The following PPP6R1 variants were observed in gnomAD, a reference collection of about 807,000 sequenced individuals.
The protein encoded by PPP6R1 is protein phosphatase 6 regulatory subunit 1, also known as serine/threonine-protein phosphatase 6 regulatory subunit 1.
PPP6R1 carries 39 observed loss-of-function variants against 104.6 expected under a neutral mutation model. The ratio of observed to expected loss-of-function variants is 0.37; its 90% CI spans 0.29 to 0.49. The LOEUF is 0.49. Among genes scored for constraint, PPP6R1 ranks in the 20% least tolerant of loss-of-function variants. PPP6R1 has a pLI of 0.98. For synonymous variants in PPP6R1, 549 were observed against 479.0 expected (o/e 1.15, Z -1.91); for missense variants, 1,181 against 1,155.8 (o/e 1.02, Z -0.32).
At chr19:55,228,737 T>A (rs2087310122), downstream of PPP6R1, 1 of 1,613,250 alleles carries the variant, frequency 6.2e-7, no homozygotes, top group Non-Finnish European at 8.5e-7. Context: ...TTTGCCAGCG[T>A]CCATGCTGGC....
At chr19:55,257,803 T>C (rs574106893) in intron 1 of PPP6R1, among the ~76,000 whole-genome samples, 1 of 152,240 alleles carries the variant, frequency 6.6e-6, no homozygotes, top group Non-Finnish European at 1.5e-5. Context: ...CTAGGGCTGA[T>C]GCCCCCTCCT....
intron 17 of PPP6R1, among the ~76,000 whole-genome samples, chr19:55,234,423 G>A (rs1395196408): frequency 1.3e-5 from 2 of 152,230 alleles, no homozygotes; most frequent in Admixed American, 6.5e-5. Context: ...AGAAAGGACA[G>A]TGTCTTCAAC....
rs1165750024 is a variant in PPP6R1 at position 55,241,206 on chromosome 19, C to T, written c.1161+33G>A. On this transcript the variant is annotated intron_variant, in intron 9 of 23. Coordinates refer to ENST00000412770, the MANE Select transcript of PPP6R1 (RefSeq NM_014931.4). This position sits in a 1 kb window ranked among gnomAD's most constrained non-coding sequence, Gnocchi z 5.4. Reference sequence around the variant, plus strand: ...AGCCCAGTCCAGTCCCCGCCCCAGCCCCTGAACCCCCAGCCCGGTCCAGTC... The same window carrying T: ...AGCCCAGTCCAGTCCCCGCCCCAGCTCCTGAACCCCCAGCCCGGTCCAGTC... 6.6e-7 allele frequency: 1 copy of T among 1,511,102 alleles called. No homozygotes were observed. Among genetic ancestry groups the T allele is most frequent in the Non-Finnish European group, 8.8e-7 (1 of 1,129,950 alleles). 93.6% of individuals were successfully genotyped at this position (1,511,102 alleles called of 1,614,324 possible).
At chr19:55,254,432 T>A (rs2087577443) in intron 1 of PPP6R1, among the ~76,000 whole-genome samples, 1 of 152,100 alleles carries the variant, frequency 6.6e-6, no homozygotes, top group Admixed American at 6.5e-5. Context: ...CAGCCACCCC[T>A]CAAGGGCCTG....
In PPP6R1 at chr19:55,239,924, G is replaced by C. The variant is rs773551655; in HGVS notation, c.1478-13C>G. ...TCGCTGGGCAGCTCTGCTTAGGTGAGAGGGGTGAAGACGTGAGGCATCTCG... is the reference window on the plus strand; with the variant it reads ...TCGCTGGGCAGCTCTGCTTAGGTGACAGGGGTGAAGACGTGAGGCATCTCG... On this transcript the variant is annotated splice_polypyrimidine_tract_variant and intron_variant, in intron 12 of 23. Coordinates refer to ENST00000412770, the MANE Select transcript of PPP6R1 (RefSeq NM_014931.4). 3.7e-6 allele frequency: 6 copies of C among 1,613,752 alleles called. No homozygotes were observed. The highest frequency in any genetic ancestry group is 5.1e-6 in the Non-Finnish European group (6 of 1,179,832).
intron 16 of PPP6R1, 41 bp downstream of exon 16, chr19:55,236,872 C>T (rs376893918): frequency 3.7e-6 from 6 of 1,611,486 alleles, no homozygotes; most frequent in Non-Finnish European, 5.1e-6. Flanking sequence ...CAGCCCCACA[C>T]CCCTCCACCC....
Position 55,242,189 on chromosome 19 carries a change from G to A in PPP6R1, c.822C>T (p.Thr274=), listed in dbSNP as rs1048553251. The A allele has an allele frequency of 6.2e-7, 1 of 1,613,628 alleles. No homozygotes were observed. Among genetic ancestry groups the A allele is most frequent in the Non-Finnish European group, 8.5e-7 (1 of 1,179,848 alleles). The part of the protein sequence containing the change: ...VIVSGIQVLL[T]LLEPRRPRSE... ...ACCTCGGCCTCCTGGGCTCCAGCAG[G>A]GTCAGCAGCACCTGGATCCCACTGA... is the stretch of plus-strand genomic sequence containing the variant. Residue 274 remains threonine, a synonymous_variant, in exon 7 of 24, where the codon ACC becomes ACT. Transcript: ENST00000412770.
At chr19:55,256,589 T>G (rs987912441) in intron 1 of PPP6R1, among the ~76,000 whole-genome samples, 1 of 152,246 alleles carries the variant, frequency 6.6e-6, no homozygotes, top group Non-Finnish European at 1.5e-5. Context: ...GTAGGAGGAC[T>G]GCTTGAACCC....
chr19:55,258,529 C>G lies in PPP6R1; in HGVS notation c.-101G>C, dbSNP rs1290074472. On this transcript the variant is annotated 5_prime_UTR_variant, in exon 1 of 24. Coordinates refer to ENST00000412770, the MANE Select transcript of PPP6R1 (RefSeq NM_014931.4). ...CGGCTCCGGCCCCTGCTGCGGGGCCCGGTGAGTGGGGGCGGGGGCGGCGTC... is the reference window on the plus strand; with the variant it reads ...CGGCTCCGGCCCCTGCTGCGGGGCCGGGTGAGTGGGGGCGGGGGCGGCGTC... 14 of 149,788 alleles carry G rather than the reference C, an allele frequency of 9.3e-5. No individual in the cohort carries two copies. The highest frequency in any genetic ancestry group is 2.0e-4 in the Admixed American group (3 of 15,078). The allele number at this position is 149,788 out of a possible 1,614,324, so 9.3% of individuals were successfully genotyped here.
intron 1 of PPP6R1, 33 bp from the exon 2 acceptor site, chr19:55,247,142 G>C: frequency 6.3e-7 from 1 of 1,598,044 alleles, no homozygotes. Flanking sequence ...CGCCGCGTCA[G>C]ACGCCCCAGG....
intron 1 of PPP6R1, among the ~76,000 whole-genome samples, chr19:55,256,449 C>T (rs1277049946): frequency 6.6e-6 from 1 of 152,270 alleles, no homozygotes; most frequent in African/African-American, 2.4e-5. Context: ...TATCGCCAAT[C>T]GTCCCCCAGG....
chr19:55,239,192 G>A (rs574412190), intron 15 of PPP6R1: 2 of 585,004 alleles, frequency 3.4e-6, no homozygotes, highest in South Asian at 2.0e-5. Context: ...TCGGAGAGAA[G>A]AGACTGCAGA....
Position 55,240,043 on chromosome 19 carries a change from G to C in PPP6R1, c.1433C>G (p.Thr478Arg). 1 of 1,603,288 alleles carries C rather than the reference G, an allele frequency of 6.2e-7. No individual in the cohort carries two copies. The highest frequency in any genetic ancestry group is 8.5e-7 in the Non-Finnish European group (1 of 1,176,418). The change falls in exon 12 of 24, where the codon ACG (threonine) becomes AGG (arginine). Residue 478 changes from threonine (T) to arginine (R), a missense_variant. Physicochemically the swap from Thr to Arg is moderately conservative, Grantham distance 71. Around this residue, in one of 2 missense-constraint regions of PPP6R1, gnomAD observed 1,042 missense variants for 955.6 expected, o/e 1.09. Transcript: ENST00000412770. ...TRVAGALVQN[T>R]EKGPNAEQLR... ...CTGCTCTGCATTGGGCCCCTTCTCCGTGTTCTGCACCAGGGCACCGGCCAC... is the reference window on the plus strand; with the variant it reads ...CTGCTCTGCATTGGGCCCCTTCTCCCTGTTCTGCACCAGGGCACCGGCCAC...
chr19:55,230,930 C>T (rs756518083), intron 21 of PPP6R1, 46 bp from the exon 22 acceptor site: 4 of 1,427,740 alleles, frequency 2.8e-6, no homozygotes, highest in Non-Finnish European at 3.9e-6. Context: ...CCCCCACCGT[C>T]ACCTGCTGAC....
At chr19:55,249,163 C>T (rs972286268) in intron 1 of PPP6R1, among the ~76,000 whole-genome samples, 3 of 152,168 alleles carry the variant, frequency 2.0e-5, no homozygotes, top group Admixed American at 2.0e-4. Flanking sequence ...CATTTGAACC[C>T]CTGCTCCTCT....
At position 55,230,660 on chromosome 19, in the gene PPP6R1, C is replaced by G. The variant is rs752585609; in HGVS notation, c.2595G>C (p.Pro865=). 4 of 1,606,194 alleles carry G rather than the reference C, an allele frequency of 2.5e-6. No individual in the cohort carries two copies. The South Asian group carries it at 4.4e-5, about 18-fold the overall frequency. ...CTTCCGGGGCAGAGCCATTGGGTAT[C>G]GGAGGAGGCGTGAGGGCCTGGGCAC... The part of the protein sequence containing the change: ...SQSAQALTPP[P]IPNGSAPEGP... The change falls in exon 23 of 24, where the codon CCG becomes CCC. Residue 865 remains proline, a synonymous_variant. Transcript: ENST00000412770.
At chr19:55,235,412 AAG>A (rs1388993096) in intron 17 of PPP6R1, among the ~76,000 whole-genome samples, 7 of 152,090 alleles carry the variant, frequency 4.6e-5, no homozygotes, top group Non-Finnish European at 1.0e-4. Context: ...GGGAGGCGGG[AAG>A]AGAGAGACAC....
chr19:55,239,184 G>T, intron 15 of PPP6R1: 2 of 571,530 alleles, frequency 3.5e-6, no homozygotes, highest in East Asian at 3.0e-5. Context: ...CCTGCCTCTC[G>T]GAGAGAAGAG....
chr19:55,228,289 A>G (rs774359757), downstream of PPP6R1: 33 of 1,613,580 alleles, frequency 2.0e-5, no homozygotes, highest in South Asian at 3.6e-4. Flanking sequence ...GCTTGGGGAC[A>G]TGACCCACAG....
Sources: gnomAD v4.1 joint callset for allele counts (sites outside exome capture counted in the v4.1 genomes callset) on GRCh38, gnomAD v4.1.1 for gene constraint, gnomAD v4.1.1 regional missense constraint, Gnocchi (gnomAD v3.1) non-coding constraint, MANE v1.5 for transcripts, NCBI Gene and HGNC (gene_info 2026-07-23, HGNC 2026-07-21) for gene names.